Variants in ARMC7 observed in about 807,000 individuals in gnomAD.
ARMC7 encodes armadillo repeat-containing protein 7.
A neutral mutation model predicts 14.8 loss-of-function variants in ARMC7; 9 were observed. The ratio of observed to expected loss-of-function variants is 0.61; its 90% CI spans 0.37 to 1.06. ARMC7 has a LOEUF of 1.06. Ranked by LOEUF, ARMC7 falls within the 50% of genes least tolerant of loss-of-function variation. The pLI, the probability that ARMC7 is intolerant of heterozygous loss-of-function variation, is 0.01. For missense variants in ARMC7, 262 were observed against 267.1 expected (o/e 0.98, Z 0.13); for synonymous variants, 125 against 123.4 (o/e 1.01, Z -0.09).
At chr17:75,128,041 A>G (rs908612371) in intron 2 of ARMC7, among the ~76,000 whole-genome samples, 1 of 152,250 alleles carries the variant, frequency 6.6e-6, no homozygotes, top group Admixed American at 6.5e-5. Flanking sequence ...AAACTGTTCT[A>G]AGGTGATGAT....
chr17:75,123,121 C>T (rs2074025801), intron 2 of ARMC7, among the ~76,000 whole-genome samples: 1 of 151,410 alleles, frequency 6.6e-6, no homozygotes, highest in Non-Finnish European at 1.5e-5. Context: ...TCACTGCAAC[C>T]TCCACCTCCT....
chr17:75,121,230 G>A (rs371736336), intron 2 of ARMC7, among the ~76,000 whole-genome samples: 97 of 152,188 alleles, frequency 6.4e-4, no homozygotes, highest in African/African-American at 2.3e-3. Flanking sequence ...GAAGCTTTAT[G>A]AATGAAGCTG....
intron 2 of ARMC7, among the ~76,000 whole-genome samples, chr17:75,117,950 G>T (rs150699573): frequency 1.3e-5 from 2 of 151,928 alleles, no homozygotes; most frequent in East Asian, 3.9e-4. Flanking sequence ...GTGAAACCCC[G>T]TCTCTACTAA....
chr17:75,129,685 T>C lies in ARMC7; in HGVS notation c.*647T>C, dbSNP rs2074086746. On this transcript the variant is annotated 3_prime_UTR_variant, in exon 3 of 3. Transcript: ENST00000245543. ...TGAAGATGTGGTCCCTGCCCTTGAG[T>C]GACAGCCCAGGGACTTAATGTGGCC... 2 of 152,342 alleles carry C rather than the reference T, an allele frequency of 1.3e-5. No individual in the cohort carries two copies. Among genetic ancestry groups the C allele is most frequent in the Admixed American group, 6.5e-5 (1 of 15,278 alleles). 9.4% of individuals were successfully genotyped at this position (152,342 alleles called of 1,614,324 possible).
chr17:75,127,456 G>A (rs1399282069), intron 2 of ARMC7, among the ~76,000 whole-genome samples: 6 of 152,084 alleles, frequency 3.9e-5, no homozygotes. Flanking sequence ...TGTGCCACAG[G>A]CCCAGCTAAT....
chr17:75,123,732 G>A (rs1191835461), intron 2 of ARMC7, among the ~76,000 whole-genome samples: 1 of 152,040 alleles, frequency 6.6e-6, no homozygotes, highest in Non-Finnish European at 1.5e-5. Flanking sequence ...CCAACATGGT[G>A]AAACCCCCAT....
intron 2 of ARMC7, among the ~76,000 whole-genome samples, chr17:75,118,644 A>C (rs920459024): frequency 6.6e-6 from 1 of 152,126 alleles, no homozygotes; most frequent in Admixed American, 6.5e-5. Flanking sequence ...CAATTGTAGA[A>C]CTAGTTTATT....
chr17:75,128,531 G>C (rs1185641499), intron 2 of ARMC7, 146 bp from the exon 3 acceptor site: 2 of 1,175,940 alleles, frequency 1.7e-6, no homozygotes, highest in Non-Finnish European at 2.3e-6. Flanking sequence ...GGAAACTTGA[G>C]AAGGCAGGAG....
chr17:75,126,356 C>T (rs1390815093), intron 2 of ARMC7, among the ~76,000 whole-genome samples: 4 of 152,168 alleles, frequency 2.6e-5, no homozygotes, highest in Admixed American at 1.3e-4. Context: ...TACCTGAGCA[C>T]GTGAGTTCTT....
At chr17:75,114,907 C>T (rs985327524) in intron 2 of ARMC7, 13 of 387,460 alleles carry the variant, frequency 3.4e-5, no homozygotes, top group African/African-American at 2.5e-4. Context: ...TTCCCTTTCT[C>T]TTAGTGTCTC....
At chr17:75,125,792 C>T (rs2074047251) in intron 2 of ARMC7, among the ~76,000 whole-genome samples, 1 of 152,080 alleles carries the variant, frequency 6.6e-6, no homozygotes, top group South Asian at 2.1e-4. Flanking sequence ...TGCAGTGAGC[C>T]GAGATCGCGC....
intron 2 of ARMC7, among the ~76,000 whole-genome samples, chr17:75,122,703 G>A (rs2074022022): frequency 6.6e-6 from 1 of 152,204 alleles, no homozygotes; most frequent in East Asian, 1.9e-4. Flanking sequence ...TAGAGATAAC[G>A]TTTTCCTATT....
At chr17:75,110,773 G>T (rs148583421) in intron 2 of ARMC7, among the ~76,000 whole-genome samples, 167 bp downstream of exon 2, 1 of 151,976 alleles carries the variant, frequency 6.6e-6, no homozygotes, top group East Asian at 1.9e-4. Context: ...GACCAGCCTG[G>T]CCCACATGGC....
chr17:75,120,436 C>A (rs1480512842), intron 2 of ARMC7, among the ~76,000 whole-genome samples: 3 of 152,148 alleles, frequency 2.0e-5, no homozygotes, highest in Non-Finnish European at 2.9e-5. Flanking sequence ...GCCCTTGCTT[C>A]TTGTTTTCTC....
At chr17:75,111,124 CA>C (rs1008965187) in intron 2 of ARMC7, among the ~76,000 whole-genome samples, 1 of 150,798 alleles carries the variant, frequency 6.6e-6, no homozygotes, top group African/African-American at 2.4e-5. Context: ...GACCATGTCT[CA>C]AAAAAATATG....
Position 75,110,345 on chromosome 17 carries a change from G to A in ARMC7, c.57G>A (p.Ala19=), listed in dbSNP as rs1258618213. 6.2e-7 allele frequency: 1 copy of A among 1,613,914 alleles called. No individual in the cohort carries two copies. The highest frequency in any genetic ancestry group is 1.7e-5 in the Admixed American group (1 of 59,994). The change falls in exon 1 of 3, where the codon GCG becomes GCA. Residue 19 remains alanine, a synonymous_variant. Coordinates refer to ENST00000245543, the MANE Select transcript of ARMC7 (RefSeq NM_024585.4). The stretch of plus-strand genomic sequence containing the variant: ...TCGGGCGGCTGGGATACCTGCAGGC[G>A]CTGGTCACGGAATTCCAGGAGACCC... ...PHVGRLGYLQ[A]LVTEFQETQS... is the part of the protein sequence containing the mutation.
chr17:75,118,825 C>T (rs760118729), intron 2 of ARMC7, among the ~76,000 whole-genome samples: 18 of 152,196 alleles, frequency 1.2e-4, no homozygotes, highest in Admixed American at 5.9e-4. Context: ...CGGTCATGAA[C>T]GGCAAGGCCG....
rs1350447882 is a variant in ARMC7, at chr17:75,128,883, T to C, written c.442T>C (p.Phe148Leu). 2.5e-6 allele frequency: 4 copies of C among 1,611,820 alleles called. No individual in the cohort carries two copies. Among genetic ancestry groups the C allele is most frequent in the Non-Finnish European group, 3.4e-6 (4 of 1,179,958 alleles). ...ATPVVQCMLR[F>L]SLSASARLRN... ...GCCCGTGGTGCAGTGCATGCTTCGC[T>C]TCTCCCTCTCGGCCAGCGCCAGGCT... Residue 148 changes from phenylalanine to leucine, a missense_variant, in exon 3 of 3, where the codon TTC (phenylalanine) becomes CTC (leucine). Coordinates refer to ENST00000245543, the MANE Select transcript of ARMC7 (RefSeq NM_024585.4).
intron 2 of ARMC7, among the ~76,000 whole-genome samples, chr17:75,117,923 C>G (rs1255582325): frequency 6.6e-6 from 1 of 151,940 alleles, no homozygotes; most frequent in Admixed American, 6.6e-5. Flanking sequence ...GAGTTCAAGA[C>G]CAGCCTGGCC....
Sources: allele counts gnomAD v4.1 joint callset (sites outside exome capture counted in the v4.1 genomes callset), GRCh38; gene constraint gnomAD v4.1.1; transcripts MANE v1.5; gene names NCBI Gene and HGNC (gene_info 2026-07-23, HGNC 2026-07-21).